REXO5: variants seen among roughly 807,000 people sequenced by gnomAD.
REXO5 encodes exonuclease NEF-sp.
Under a neutral mutation model 88.5 loss-of-function variants are expected in REXO5, and 48 were observed. The observed-to-expected ratio is 0.54, with a 90% CI of 0.43 to 0.69. The LOEUF (loss-of-function observed/expected upper bound fraction) is 0.69, where lower values mean the gene tolerates loss of function less well. Ranked by LOEUF, REXO5 falls within the 30% of genes least tolerant of loss-of-function variation. The probability of loss-of-function intolerance (pLI) is 0.00; values close to 1 mark genes in which losing one functional copy is unlikely to be tolerated. For missense variants in REXO5, 749 were observed against 912.2 expected (o/e 0.82, Z 2.30); for synonymous variants, 311 against 336.5 (o/e 0.92, Z 0.83).
At chr16:20,843,858 T>G (rs891170974) in intron 15 of REXO5, 76 bp from the exon 16 acceptor site, 26 of 1,051,700 alleles carry the variant, frequency 2.5e-5, no homozygotes, top group Non-Finnish European at 3.6e-5. Context: ...CACTGTAGTT[T>G]GAATCCTTTC....
chr16:20,809,974 G>T (rs2080971717), intron 2 of REXO5, among the ~76,000 whole-genome samples: 1 of 152,182 alleles, frequency 6.6e-6, no homozygotes, highest in South Asian at 2.1e-4. Flanking sequence ...TCTTTTACTG[G>T]ATTGTGATGC....
intron 5 of REXO5, 81 bp from the exon 6 acceptor site, chr16:20,821,681 A>G: frequency 7.7e-7 from 1 of 1,298,480 alleles, no homozygotes; most frequent in Non-Finnish European, 1.0e-6. Context: ...CCTTGTGCTT[A>G]GCCTATACAA....
Position 20,841,929 on chromosome 16 carries a change from A to G in REXO5, c.1626+1461A>G, listed in dbSNP as rs147868418. 8.4e-3 allele frequency among the ~76,000 whole-genome samples: 1,272 copies of G among 152,316 alleles called. 10 individuals carry two copies. Among genetic ancestry groups the G allele is most frequent in the Non-Finnish European group, 0.014 (935 of 68,026 alleles). Reference sequence around the variant, plus strand: ...TTTTATTAATGGCTTTTCTATGACTAAAAATAAAAATACAAAGATTGTCCC... The same window carrying G: ...TTTTATTAATGGCTTTTCTATGACTGAAAATAAAAATACAAAGATTGTCCC... On this transcript the variant is annotated intron_variant, in intron 15 of 19. Coordinates refer to ENST00000261377, the MANE Select transcript of REXO5 (RefSeq NM_030941.3).
At position 20,832,992 on chromosome 16, in the gene REXO5, C is replaced by T; in HGVS notation, c.1263-11C>T. The T allele has an allele frequency of 6.2e-7, 1 of 1,608,270 alleles. No individual in the cohort carries two copies. Among genetic ancestry groups the T allele is most frequent in the South Asian group, 1.1e-5 (1 of 90,442 alleles). ...TGTTGTTCTTACCTTAACTCTTCTA[C>T]TTCTTTATAGTGTTTTAGAATGCTT... On this transcript the variant is annotated splice_polypyrimidine_tract_variant and intron_variant, in intron 12 of 19. Transcript: ENST00000261377.
At position 20,840,230 on chromosome 16, in the gene REXO5, T is replaced by C. The variant is rs1006262963; in HGVS notation, c.1489-101T>C. On this transcript the variant is annotated intron_variant, in intron 14 of 19. Transcript: ENST00000261377. ...TCCTTGGACATTTGGCAAGTATTTA[T>C]ATCAAAAAAATCTTTGGTGAATAAT... 3 of 1,048,454 alleles carry C rather than the reference T, an allele frequency of 2.9e-6. No individual in the cohort carries two copies. The African/African-American group carries it at 4.8e-5, about 17-fold the overall frequency. 64.9% of individuals were successfully genotyped at this position (1,048,454 alleles called of 1,614,324 possible).
In REXO5 at chr16:20,843,253, T is replaced by G. The variant is rs114005623; in HGVS notation, c.1627-681T>G. On this transcript the variant is annotated intron_variant, in intron 15 of 19. Transcript: ENST00000261377. The stretch of plus-strand genomic sequence containing the variant: ...GCTTTTTTATTGTTGAATTGTAGGA[T>G]TTCTCTGTACATTCTGGATATTAAT... Among the ~76,000 whole-genome samples the G allele has an allele frequency of 6.6e-3, 1,009 of 152,344 alleles. 18 individuals are homozygous for G. Among genetic ancestry groups the G allele is most frequent in the African/African-American group, 0.023 (950 of 41,578 alleles).
rs761996919 is a variant in REXO5 at position 20,832,999 on chromosome 16, A to G, written c.1263-4A>G. 6.2e-7 allele frequency: 1 copy of G among 1,610,980 alleles called. No individual in the cohort carries two copies. Among genetic ancestry groups the G allele is most frequent in the East Asian group, 2.2e-5 (1 of 44,888 alleles). Reference sequence around the variant, plus strand: ...CTTACCTTAACTCTTCTACTTCTTTATAGTGTTTTAGAATGCTTGGATTCA... The same window carrying G: ...CTTACCTTAACTCTTCTACTTCTTTGTAGTGTTTTAGAATGCTTGGATTCA... On this transcript the variant is annotated splice_polypyrimidine_tract_variant and splice_region_variant and intron_variant, in intron 12 of 19. Transcript: ENST00000261377.
chr16:20,806,959 G>A lies in REXO5; in HGVS notation c.6G>A (p.Glu2=), dbSNP rs1169298848. M[E]PEREGTERHP... is the part of the protein sequence containing the mutation. ...CCTCATCTTTCTCCACAGCCATGGA[G>A]CCAGAGAGGGAAGGGACCGAGAGAC... The change falls in exon 2 of 20, where the codon GAG becomes GAA. Residue 2 remains glutamate, a synonymous_variant. Coordinates refer to ENST00000261377, the MANE Select transcript of REXO5 (RefSeq NM_030941.3). 2 of 1,589,936 alleles carry A rather than the reference G, an allele frequency of 1.3e-6. No individual in the cohort carries two copies. The highest frequency in any genetic ancestry group is 2.7e-5 in the African/African-American group (2 of 74,540).
At chr16:20,807,275 G>A in intron 2 of REXO5, 184 bp downstream of exon 2, 1 of 700,978 alleles carries the variant, frequency 1.4e-6, no homozygotes. Flanking sequence ...GCTGTCATTG[G>A]CTGTCACTGG....
intron 5 of REXO5, among the ~76,000 whole-genome samples, chr16:20,818,010 C>A (rs2081107361): frequency 6.6e-6 from 1 of 152,094 alleles, no homozygotes. Flanking sequence ...TCTAAGACAC[C>A]AGTGTTGAAT....
Position 20,811,410 on chromosome 16 carries a change from A to G in REXO5, c.139-1780A>G, listed in dbSNP as rs564162463. 9.8e-5 allele frequency among the ~76,000 whole-genome samples: 15 copies of G among 152,380 alleles called. No individual in the cohort carries two copies. In the East Asian group the frequency reaches 2.7e-3, roughly 27 times the overall value. On this transcript the variant is annotated intron_variant, in intron 2 of 19. Transcript: ENST00000261377. ...AATGTTGTTTGTAATTTAAAAAACC[A>G]GTGTTATCAATAGGGAATGTTTTTC...
At chr16:20,835,039 T>C (rs1373279321) in intron 13 of REXO5, among the ~76,000 whole-genome samples, 1 of 152,232 alleles carries the variant, frequency 6.6e-6, no homozygotes, top group African/African-American at 2.4e-5. Flanking sequence ...TTTTAATTTG[T>C]TGGGTGCTAT....
At chr16:20,832,058 T>G (rs2081353128) in intron 11 of REXO5, 98 bp from the exon 12 acceptor site, 2 of 773,668 alleles carry the variant, frequency 2.6e-6, no homozygotes, top group Non-Finnish European at 4.3e-6. Context: ...TTCAAGTGGA[T>G]TTTTTGCTTT....
At chr16:20,823,431 A>G (rs956411387) in intron 6 of REXO5, 1 of 152,106 alleles carries the variant, frequency 6.6e-6, no homozygotes, top group African/African-American at 2.4e-5. Flanking sequence ...TATTTATTTT[A>G]ACATATTTAT....
chr16:20,845,029 A>G lies in REXO5; in HGVS notation c.1937-25A>G, dbSNP rs374972444. ...ATCAGCTTTCTTGGCCCTTAATAAC[A>G]TAAGGTGGGGGTTCTTGCTTTCAGA... is the stretch of plus-strand genomic sequence containing the variant. On this transcript the variant is annotated intron_variant, in intron 17 of 19. Transcript: ENST00000261377. 11 of 1,607,610 alleles carry G rather than the reference A, an allele frequency of 6.8e-6. No homozygotes were observed. In the African/African-American group the frequency reaches 1.3e-4, roughly 20 times the overall value.
rs1350655926 is a variant in REXO5 at position 20,816,108 on chromosome 16, A to G, written c.379-8A>G. 6 of 1,613,184 alleles carry G rather than the reference A, an allele frequency of 3.7e-6. No individual in the cohort carries two copies. The Admixed American group carries it at 6.7e-5, about 18-fold the overall frequency. On this transcript the variant is annotated splice_region_variant and splice_polypyrimidine_tract_variant and intron_variant, in intron 4 of 19. Transcript: ENST00000261377. ...CCATTTTTGTAAAACCTGTTAATATATTTTCAGAAATTCCGCTTGCCTCCA... is the reference window on the plus strand; with the variant it reads ...CCATTTTTGTAAAACCTGTTAATATGTTTTCAGAAATTCCGCTTGCCTCCA...
chr16:20,810,490 C>T (rs1378255208), intron 2 of REXO5, among the ~76,000 whole-genome samples: 4 of 151,852 alleles, frequency 2.6e-5, no homozygotes, highest in Admixed American at 2.6e-4. Context: ...TCATTGCAAC[C>T]TCTCCCTCCC....
chr16:20,836,438 A>G (rs186199632), intron 13 of REXO5, among the ~76,000 whole-genome samples: 20 of 152,144 alleles, frequency 1.3e-4, no homozygotes, highest in African/African-American at 3.4e-4. Flanking sequence ...AGTTTTCTCC[A>G]TGTCTTTTCA....
chr16:20,815,828 AT>A (rs534171244), intron 4 of REXO5, among the ~76,000 whole-genome samples: 84 of 152,306 alleles, frequency 5.5e-4, no homozygotes, highest in Middle Eastern at 3.4e-3. Flanking sequence ...CAATGAAATA[AT>A]AGATTTGGAA....
Sources: gnomAD v4.1 joint callset for allele counts (sites outside exome capture counted in the v4.1 genomes callset) on GRCh38, gnomAD v4.1.1 for gene constraint, MANE v1.5 for transcripts, NCBI Gene and HGNC (gene_info 2026-07-23, HGNC 2026-07-21) for gene names.